DGKB: variants seen among roughly 807,000 people sequenced by gnomAD.
DGKB encodes the protein diacylglycerol kinase beta.
In DGKB, 67 loss-of-function variants were observed where a neutral mutation model predicts 114.3. That is an observed-to-expected ratio of 0.59 (90% CI 0.48 to 0.72). DGKB has a LOEUF of 0.72. Among genes scored for constraint, DGKB ranks in the 30% least tolerant of loss-of-function variants. The pLI is 0.00. For missense variants in DGKB, 907 were observed against 975.2 expected (o/e 0.93, Z 0.93); for synonymous variants, 398 against 323.1 (o/e 1.23, Z -2.49).
chr7:14,875,558 G>A (rs75682567), intron 1 of DGKB, among the ~76,000 whole-genome samples: 8 of 152,188 alleles, frequency 5.3e-5, no homozygotes, highest in South Asian at 4.1e-4. Context: ...AGTAGATAAC[G>A]CAAAACTGTT....
chr7:14,799,432 G>A (rs193048827), intron 2 of DGKB, among the ~76,000 whole-genome samples: 277 of 152,286 alleles, frequency 1.8e-3, no homozygotes, highest in African/African-American at 5.8e-3. Context: ...TAGGAGGCAA[G>A]AATTAGCAGC....
intron 1 of DGKB, among the ~76,000 whole-genome samples, chr7:14,937,287 T>A (rs907593830): frequency 2.0e-5 from 3 of 152,024 alleles, no homozygotes; most frequent in African/African-American, 4.8e-5. Context: ...AAAGTTTATA[T>A]GAAGACTCTC....
At chr7:14,852,004 A>G (rs887701047) in intron 1 of DGKB, among the ~76,000 whole-genome samples, 9 of 152,322 alleles carry the variant, frequency 5.9e-5, no homozygotes, top group Admixed American at 5.2e-4. Flanking sequence ...TACTATGCCC[A>G]TTCTGAATTC....
At chr7:14,321,390 A>C (rs888939956) in intron 23 of DGKB, among the ~76,000 whole-genome samples, 7 of 152,226 alleles carry the variant, frequency 4.6e-5, no homozygotes, top group African/African-American at 1.7e-4. Context: ...TATAAAAATC[A>C]ACATGTATTT....
intron 20 of DGKB, among the ~76,000 whole-genome samples, chr7:14,491,431 C>T (rs990177630): frequency 2.0e-5 from 3 of 152,040 alleles, no homozygotes; most frequent in Admixed American, 2.0e-4. Flanking sequence ...TTATAAATTA[C>T]CCAGTCTCAG....
At chr7:14,420,855 A>G (rs1289789322) in intron 21 of DGKB, among the ~76,000 whole-genome samples, 3 of 152,040 alleles carry the variant, frequency 2.0e-5, no homozygotes, top group Non-Finnish European at 4.4e-5. Flanking sequence ...AGCTAAGGTC[A>G]ATTCATGCTG....
intron 21 of DGKB, among the ~76,000 whole-genome samples, chr7:14,357,549 C>T (rs943195151): frequency 3.3e-5 from 5 of 152,166 alleles, no homozygotes; most frequent in South Asian, 2.1e-4. Flanking sequence ...ACTCTTTATC[C>T]GATTTTCCAG....
chr7:14,433,066 G>A (rs73280320), intron 21 of DGKB, among the ~76,000 whole-genome samples: 1,689 of 152,244 alleles, frequency 0.011, 33 homozygotes, highest in African/African-American at 0.039. Flanking sequence ...CCCAGCTGCT[G>A]TAAATGCTGA....
intron 1 of DGKB, among the ~76,000 whole-genome samples, chr7:14,927,637 G>A (rs1264059195): frequency 6.6e-6 from 1 of 151,876 alleles, no homozygotes; most frequent in African/African-American, 2.4e-5. Context: ...AAGGTGTATT[G>A]TTTTCTGCTT....
chr7:14,942,728 C>G (rs1785634253), intron 1 of DGKB, among the ~76,000 whole-genome samples: 3 of 151,920 alleles, frequency 2.0e-5, no homozygotes. Flanking sequence ...ATTTTCTTTC[C>G]CCAGATATTT....
chr7:14,241,770 T>G (rs552512206), intron 23 of DGKB, among the ~76,000 whole-genome samples: 15 of 152,080 alleles, frequency 9.9e-5, no homozygotes, highest in Non-Finnish European at 1.3e-4. Flanking sequence ...ATATGCAAAT[T>G]ATGGGAGAAA....
chr7:14,421,284 T>C (rs1826652119), intron 21 of DGKB, among the ~76,000 whole-genome samples: 1 of 152,160 alleles, frequency 6.6e-6, no homozygotes, highest in African/African-American at 2.4e-5. Flanking sequence ...TGCTTGTTCA[T>C]GCATGCTGTT....
chr7:14,574,622 C>G (rs1385850625), intron 19 of DGKB, among the ~76,000 whole-genome samples: 2 of 152,080 alleles, frequency 1.3e-5, no homozygotes, highest in Non-Finnish European at 2.9e-5. Context: ...ATACAACTGC[C>G]AAGTGAACAT....
At chr7:14,906,412 A>G (rs1276388271), upstream of DGKB, among the ~76,000 whole-genome samples, 1 of 150,560 alleles carries the variant, frequency 6.6e-6, no homozygotes, top group South Asian at 2.1e-4. Flanking sequence ...AGTTATTGAC[A>G]TTAGATAGAA....
At chr7:14,647,528 A>G (rs973694893) in intron 13 of DGKB, among the ~76,000 whole-genome samples, 8 of 152,240 alleles carry the variant, frequency 5.3e-5, no homozygotes, top group Non-Finnish European at 1.2e-4. Flanking sequence ...GACACAAAAC[A>G]ACAACAAACT....
intron 23 of DGKB, among the ~76,000 whole-genome samples, chr7:14,179,568 C>T (rs1310309707): frequency 6.6e-6 from 1 of 152,138 alleles, no homozygotes; most frequent in Non-Finnish European, 1.5e-5. Flanking sequence ...TCACTCCTCA[C>T]TAATGACTCC....
intron 20 of DGKB, among the ~76,000 whole-genome samples, chr7:14,536,283 A>G (rs1792484849): frequency 6.6e-6 from 1 of 152,180 alleles, no homozygotes; most frequent in Non-Finnish European, 1.5e-5. Context: ...GGGATAAGGA[A>G]TACTTCCAAA....
chr7:14,385,160 T>C (rs745618764), intron 21 of DGKB, among the ~76,000 whole-genome samples: 2 of 152,272 alleles, frequency 1.3e-5, no homozygotes, highest in Non-Finnish European at 1.5e-5. Context: ...TCAAACGGAC[T>C]GACACAGTGT....
In DGKB at chr7:14,910,314, G is replaced by GA. The variant is rs1209418948; in HGVS notation, c.-188+64381dup. ...AGAAAGAAAGAAAGAAAGAAAGAAA[G>GA]AACCTTATATATTAGGAGAAGGCAA... On this transcript the variant is annotated intron_variant, in intron 1 of 4. Transcript: ENST00000437998. 2.3e-5 allele frequency among the ~76,000 whole-genome samples: 3 copies of GA among 132,366 alleles called. No homozygotes were observed. The East Asian group carries it at 6.7e-4, about 30-fold the overall frequency. The allele number at this position is 132,366 out of a possible 152,430, so 86.8% of individuals were successfully genotyped here.
Sources: gnomAD v4.1 joint callset for allele counts (sites outside exome capture counted in the v4.1 genomes callset) on GRCh38, gnomAD v4.1.1 for gene constraint, MANE v1.5 for transcripts, NCBI Gene and HGNC (gene_info 2026-07-23, HGNC 2026-07-21) for gene names.